MMP26: variants seen among roughly 807,000 people sequenced by gnomAD.
The protein encoded by MMP26 is matrix metalloproteinase-26.
MMP26 carries 33 observed loss-of-function variants against 31.0 expected under a neutral mutation model. That is an observed-to-expected ratio of 1.06 (90% CI 0.81 to 1.42). The LOEUF (loss-of-function observed/expected upper bound fraction) is 1.42. Ranked by LOEUF, MMP26 falls within the 40% of genes most tolerant of loss-of-function variation. MMP26 has a pLI of 0.00. For synonymous variants in MMP26, 122 were observed against 114.9 expected (o/e 1.06, Z -0.40); for missense variants, 347 against 316.1 (o/e 1.10, Z -0.74).
chr11:4,970,825 T>C (rs1454728158), intron 2 of MMP26, among the ~76,000 whole-genome samples: 3 of 152,138 alleles, frequency 2.0e-5, no homozygotes, highest in Non-Finnish European at 4.4e-5. Context: ...GTGGTGGTGA[T>C]ATCAGCAAAG....
At chr11:4,834,295 C>A (rs1012637044) in intron 2 of MMP26, among the ~76,000 whole-genome samples, 1 of 152,110 alleles carries the variant, frequency 6.6e-6, no homozygotes. Flanking sequence ...AGAATCTGCA[C>A]CACTGTGGCC....
intron 1 of MMP26, among the ~76,000 whole-genome samples, chr11:4,734,625 G>T (rs1381697209): frequency 6.8e-6 from 1 of 146,890 alleles, no homozygotes; most frequent in Non-Finnish European, 1.5e-5. Flanking sequence ...TTCCCTTTGG[G>T]ATTTTTTTTA....
At chr11:4,744,783 A>C (rs746151577) in intron 1 of MMP26, among the ~76,000 whole-genome samples, 4 of 152,174 alleles carry the variant, frequency 2.6e-5, no homozygotes, top group Non-Finnish European at 5.9e-5. Flanking sequence ...CAATTGCTAA[A>C]AATTATATAT....
intron 2 of MMP26, among the ~76,000 whole-genome samples, chr11:4,985,288 T>G (rs530151263): frequency 6.6e-6 from 1 of 152,198 alleles, no homozygotes; most frequent in African/African-American, 2.4e-5. Flanking sequence ...AAGGTCTATA[T>G]CACCATGAGA....
At chr11:4,770,092 T>C (rs1326493304) in intron 2 of MMP26, among the ~76,000 whole-genome samples, 1 of 152,242 alleles carries the variant, frequency 6.6e-6, no homozygotes, top group Non-Finnish European at 1.5e-5. Context: ...AATGTTCATC[T>C]ACCACTCATA....
At chr11:4,986,932 C>CTCTCTCTCCCTCTCTCTCTCTCTCTCT (rs1564819722) in intron 2 of MMP26, among the ~76,000 whole-genome samples, 1 of 60,408 alleles carries the variant, frequency 1.7e-5, no homozygotes, top group African/African-American at 7.1e-5. Context: ...TCTCTCTCTC[C>CTCTCTCTCCCTCTCTCTCTCTCTCTCT]CTCTCTCTCT....
chr11:4,950,923 C>G (rs1267442842), intron 2 of MMP26, among the ~76,000 whole-genome samples: 1 of 123,652 alleles, frequency 8.1e-6, no homozygotes, highest in African/African-American at 2.7e-5. Flanking sequence ...TTACACTTTG[C>G]TATTAGATGT....
intron 2 of MMP26, among the ~76,000 whole-genome samples, chr11:4,974,431 G>A (rs1046351368): frequency 3.3e-5 from 5 of 151,380 alleles, no homozygotes; most frequent in African/African-American, 9.7e-5. Flanking sequence ...TCCTTTCCTC[G>A]AATCTTTTAT....
chr11:4,736,039 A>G (rs1005219022), intron 1 of MMP26: 2 of 152,150 alleles, frequency 1.3e-5, no homozygotes, highest in Middle Eastern at 3.2e-3. Context: ...TGCATCCCCT[A>G]TGCAACCTTC....
intron 2 of MMP26, chr11:4,937,528 G>A (rs2596005): frequency 0.98 from 150,456 of 153,082 alleles, 73,992 homozygotes; most frequent in East Asian, 1. Flanking sequence ...AGCACTCAGC[G>A]TGGGCACATA....
chr11:4,886,442 TC>T (rs1407586187), intron 2 of MMP26, among the ~76,000 whole-genome samples: 1 of 152,098 alleles, frequency 6.6e-6, no homozygotes, highest in Non-Finnish European at 1.5e-5. Context: ...TACTGTTAAT[TC>T]CGGTAAACAT....
Position 4,991,958 on chromosome 11 carries a change from T to A in MMP26, c.596-6T>A. On this transcript the variant is annotated splice_polypyrimidine_tract_variant and splice_region_variant and intron_variant, in intron 6 of 7. Transcript: ENST00000380390. ...TTTTATCTTTTTTTTTTCTATAATTTTTCAGGATATAATCTGTTCCTGGTT... is the reference window on the plus strand; with the variant it reads ...TTTTATCTTTTTTTTTTCTATAATTATTCAGGATATAATCTGTTCCTGGTT... 1 of 1,578,822 alleles carries A rather than the reference T, an allele frequency of 6.3e-7. No individual in the cohort carries two copies.
chr11:4,927,800 G>T (rs889952953), intron 2 of MMP26, among the ~76,000 whole-genome samples: 8 of 152,086 alleles, frequency 5.3e-5, no homozygotes, highest in African/African-American at 1.7e-4. Context: ...ATTCCCTGAC[G>T]AGTTCTCATG....
intron 1 of MMP26, among the ~76,000 whole-genome samples, chr11:4,729,742 T>TAA (rs1848148367): frequency 1.3e-5 from 2 of 152,168 alleles, no homozygotes; most frequent in East Asian, 1.9e-4. Flanking sequence ...TATATATATA[T>TAA]AACATAACTT....
intron 2 of MMP26, among the ~76,000 whole-genome samples, chr11:4,866,369 G>A (rs532116299): frequency 1.3e-5 from 2 of 152,070 alleles, no homozygotes; most frequent in South Asian, 4.1e-4. Flanking sequence ...AGAATCTAAG[G>A]TTTCTATTAT....
intron 2 of MMP26, among the ~76,000 whole-genome samples, chr11:4,872,135 G>C (rs1294856519): frequency 6.6e-6 from 1 of 152,072 alleles, no homozygotes; most frequent in East Asian, 1.9e-4. Flanking sequence ...GATAGGACAT[G>C]TAAATGGCTA....
At chr11:4,951,969 G>C (rs12809039) in intron 2 of MMP26, among the ~76,000 whole-genome samples, 28,686 of 123,062 alleles carry the variant, frequency 0.23, 8,970 homozygotes, top group Non-Finnish European at 0.25. Flanking sequence ...CAACTTCTTT[G>C]CAGCACTTAA....
chr11:4,960,921 A>T (rs1846512648), intron 2 of MMP26, among the ~76,000 whole-genome samples: 1 of 152,222 alleles, frequency 6.6e-6, no homozygotes, highest in Non-Finnish European at 1.5e-5. Flanking sequence ...CTGAGCAAAC[A>T]AACAGTATAC....
intron 2 of MMP26, among the ~76,000 whole-genome samples, chr11:4,826,736 C>G (rs934334365): frequency 6.6e-6 from 1 of 152,204 alleles, no homozygotes; most frequent in African/African-American, 2.4e-5. Context: ...TAAGGCCCAA[C>G]ATCTTCATCA....
Sources: allele counts gnomAD v4.1 joint callset (sites outside exome capture counted in the v4.1 genomes callset), GRCh38; gene constraint gnomAD v4.1.1; transcripts MANE v1.5; gene names NCBI Gene and HGNC (gene_info 2026-07-23, HGNC 2026-07-21).